Variants in TCF12 observed in about 807,000 individuals in gnomAD.
TCF12 encodes transcription factor 12, also known as DNA-binding protein HTF4.
Under a neutral mutation model 86.0 loss-of-function variants are expected in TCF12, and 45 were observed. That is an observed-to-expected ratio of 0.52 (90% CI 0.41 to 0.67). TCF12 has a LOEUF of 0.67. Ranked by LOEUF, TCF12 falls within the 30% of genes least tolerant of loss-of-function variation. The pLI is 0.00. For missense variants in TCF12, 881 were observed against 859.9 expected, an observed-to-expected ratio of 1.02 and a Z score of -0.31; for synonymous variants, 330 against 299.6, an observed-to-expected ratio of 1.10 and a Z score of -1.05.
chr15:57,266,014 A>C (rs896667554), intron 18 of TCF12, among the ~76,000 whole-genome samples: 4 of 152,066 alleles, frequency 2.6e-5, no homozygotes, highest in Non-Finnish European at 5.9e-5. Context: ...ATATGGTAAG[A>C]CTCTGATTTA....
chr15:56,918,095 G>C (rs1221079204), upstream of TCF12: 13 of 404,210 alleles, frequency 3.2e-5, no homozygotes, highest in South Asian at 1.2e-4. Context: ...CTCTCGGAAC[G>C]GCCGAGGAGG....
chr15:56,956,741 A>G (rs1032597425), intron 3 of TCF12, among the ~76,000 whole-genome samples: 3 of 152,126 alleles, frequency 2.0e-5, no homozygotes, highest in Non-Finnish European at 2.9e-5. Context: ...GAGAAATCTA[A>G]TGATAGTCTT....
chr15:56,960,196 A>G (rs558354659), intron 3 of TCF12, among the ~76,000 whole-genome samples: 1 of 152,320 alleles, frequency 6.6e-6, no homozygotes, highest in East Asian at 1.9e-4. Flanking sequence ...ATTAAATTAC[A>G]GTTTCCTAAT....
chr15:57,037,429 T>TCAAAAAAA (rs1228182182), intron 3 of TCF12, among the ~76,000 whole-genome samples: 1 of 134,210 alleles, frequency 7.5e-6, no homozygotes, highest in Non-Finnish European at 1.5e-5. Flanking sequence ...TGACAAGAGC[T>TCAAAAAAA]CAAAAAAACA....
intron 12 of TCF12, among the ~76,000 whole-genome samples, chr15:57,236,611 A>G (rs2151943751): frequency 6.6e-6 from 1 of 152,344 alleles, no homozygotes; most frequent in East Asian, 1.9e-4. Flanking sequence ...ATTGTGAAAC[A>G]TCAGAGGGTA....
chr15:56,980,502 C>T (rs750133597), intron 3 of TCF12, among the ~76,000 whole-genome samples: 7 of 152,186 alleles, frequency 4.6e-5, no homozygotes, highest in Non-Finnish European at 1.0e-4. Context: ...GTAGACTTTT[C>T]AGCCTCCAGA....
At chr15:56,921,197 G>T in intron 3 of TCF12, 99 bp downstream of exon 3, 1 of 737,184 alleles carries the variant, frequency 1.4e-6, no homozygotes, top group Non-Finnish European at 1.9e-6. Context: ...TTGAATATAT[G>T]TATATAAAAG....
At chr15:57,192,371 A>G (rs1219700478) in intron 7 of TCF12, 78 bp downstream of exon 7, 34 of 1,458,592 alleles carry the variant, frequency 2.3e-5, no homozygotes, top group East Asian at 7.0e-5. Context: ...ACTTCTGGCT[A>G]TGCTTTTTTT....
chr15:57,199,080 T>C (rs2057408719), intron 8 of TCF12, among the ~76,000 whole-genome samples: 1 of 152,172 alleles, frequency 6.6e-6, no homozygotes, highest in Admixed American at 6.5e-5. Context: ...ACCTGGAAGG[T>C]TGGCTTGCAG....
At chr15:56,987,142 C>T (rs1240633146) in intron 3 of TCF12, among the ~76,000 whole-genome samples, 1 of 151,782 alleles carries the variant, frequency 6.6e-6, no homozygotes, top group African/African-American at 2.4e-5. Context: ...AAGAGTTTCG[C>T]TCTTGTTGCC....
intron 16 of TCF12, among the ~76,000 whole-genome samples, chr15:57,257,559 G>A (rs1254065059): frequency 6.6e-6 from 1 of 151,970 alleles, no homozygotes; most frequent in Non-Finnish European, 1.5e-5. Context: ...TACTCAGGAG[G>A]CTGAGGCAGG....
intron 3 of TCF12, among the ~76,000 whole-genome samples, chr15:56,948,353 A>T (rs755168941): frequency 1.1e-4 from 17 of 152,220 alleles, no homozygotes; most frequent in Non-Finnish European, 2.2e-4. Context: ...AAAAGCCTGC[A>T]TAAGGTTGCT....
chr15:57,036,825 A>G (rs960979913), intron 3 of TCF12, among the ~76,000 whole-genome samples: 2 of 152,096 alleles, frequency 1.3e-5, no homozygotes. Flanking sequence ...TAAAAAAATT[A>G]TTGCTTGTGT....
intron 3 of TCF12, among the ~76,000 whole-genome samples, chr15:56,981,285 A>G (rs2062877271): frequency 6.6e-6 from 1 of 152,246 alleles, no homozygotes; most frequent in South Asian, 2.1e-4. Context: ...TCCAAGATCA[A>G]GGTATCAGTA....
At chr15:56,981,026 T>C (rs1376051595) in intron 3 of TCF12, among the ~76,000 whole-genome samples, 1 of 152,290 alleles carries the variant, frequency 6.6e-6, no homozygotes, top group East Asian at 1.9e-4. Context: ...AAGCCTCATA[T>C]TTCTGCATTT....
chr15:57,009,928 G>A (rs1185411977), intron 3 of TCF12, among the ~76,000 whole-genome samples: 4 of 152,116 alleles, frequency 2.6e-5, no homozygotes, highest in African/African-American at 9.7e-5. Flanking sequence ...TAAGGTATTT[G>A]GATTTATATA....
chr15:56,991,579 T>C (rs2063461441), intron 3 of TCF12, among the ~76,000 whole-genome samples: 1 of 152,210 alleles, frequency 6.6e-6, no homozygotes. Context: ...CTATGGAAAA[T>C]GTCCTTTTTA....
At chr15:57,194,669 G>C (rs540378516) in intron 7 of TCF12, among the ~76,000 whole-genome samples, 1 of 152,060 alleles carries the variant, frequency 6.6e-6, no homozygotes, top group Non-Finnish European at 1.5e-5. Context: ...CATTTTAATG[G>C]AAACCTAATA....
intron 6 of TCF12, among the ~76,000 whole-genome samples, chr15:57,172,204 G>A (rs75247196): frequency 0.04 from 6,126 of 152,164 alleles, 373 homozygotes; most frequent in Admixed American, 0.17. Flanking sequence ...AATGACAGAT[G>A]TGTATACGCC....
Sources: gnomAD v4.1 joint callset for allele counts (sites outside exome capture counted in the v4.1 genomes callset) on GRCh38, gnomAD v4.1.1 for gene constraint, MANE v1.5 for transcripts, NCBI Gene and HGNC (gene_info 2026-07-23, HGNC 2026-07-21) for gene names.